Variants in LGR5 observed in about 807,000 individuals in gnomAD.
LGR5 encodes the protein leucine-rich repeat-containing G protein-coupled receptor 5.
In LGR5, 54 loss-of-function variants were observed where a neutral mutation model predicts 76.7. The observed-to-expected ratio is 0.70, with a 90% CI of 0.57 to 0.88. LGR5 has a LOEUF of 0.88. Among genes scored for constraint, LGR5 ranks in the 40% least tolerant of loss-of-function variants. LGR5 has a pLI of 0.00. For missense variants in LGR5, 1,078 were observed against 1,073.3 expected (o/e 1.00, Z -0.06); for synonymous variants, 406 against 421.9 (o/e 0.96, Z 0.46).
chr12:71,487,297 CAT>C (rs1296474288), intron 1 of LGR5, among the ~76,000 whole-genome samples: 1 of 152,202 alleles, frequency 6.6e-6, no homozygotes, highest in Non-Finnish European at 1.5e-5. Context: ...TCTTTTCAAA[CAT>C]GTCTCAAATA....
intron 7 of LGR5, 78 bp from the exon 8 acceptor site, chr12:71,561,703 A>G: frequency 1.4e-6 from 1 of 699,276 alleles, no homozygotes; most frequent in South Asian, 2.0e-5. Flanking sequence ...GATTATTGCC[A>G]CTGTGGTCAG....
chr12:71,556,700 C>G lies in LGR5; in HGVS notation c.716+10C>G, dbSNP rs370043529. ...ACAGCCTAGAGACTTTGTGAGTTGA[C>G]CTTTTATTTGTTTCCCTTTTTTCAG... On this transcript the variant is annotated intron_variant, in intron 6 of 17. Coordinates refer to ENST00000266674, the MANE Select transcript of LGR5 (RefSeq NM_003667.4). 1.4e-5 allele frequency: 23 copies of G among 1,592,226 alleles called. No homozygotes were observed. The highest frequency in any genetic ancestry group is 1.9e-5 in the Non-Finnish European group (22 of 1,160,328).
chr12:71,538,119 C>T (rs979722331), intron 4 of LGR5, among the ~76,000 whole-genome samples: 3 of 152,104 alleles, frequency 2.0e-5, no homozygotes, highest in African/African-American at 7.2e-5. Flanking sequence ...TACTTTTGTA[C>T]CAACTGAATA....
At chr12:71,579,899 T>A (rs553853930) in intron 15 of LGR5, among the ~76,000 whole-genome samples, 8 of 152,354 alleles carry the variant, frequency 5.3e-5, no homozygotes, top group African/African-American at 1.9e-4. Context: ...CATTTTTTAT[T>A]GTTAGACTCA....
chr12:71,575,732 G>A (rs1183684464), intron 13 of LGR5, among the ~76,000 whole-genome samples: 9 of 110,384 alleles, frequency 8.2e-5, no homozygotes, highest in South Asian at 3.1e-4. Flanking sequence ...ATGTGTGTGT[G>A]TGTGTGTGTG....
intron 1 of LGR5, among the ~76,000 whole-genome samples, chr12:71,469,849 A>G (rs527492192): frequency 9.2e-5 from 14 of 152,170 alleles, no homozygotes; most frequent in African/African-American, 3.1e-4. Flanking sequence ...CAACACCTAG[A>G]AAGTCTTGTA....
At chr12:71,467,938 G>T (rs932873474) in intron 1 of LGR5, among the ~76,000 whole-genome samples, 2 of 152,140 alleles carry the variant, frequency 1.3e-5, no homozygotes, top group African/African-American at 4.8e-5. Flanking sequence ...TGAGAGAAAT[G>T]CTTTTAAAAA....
chr12:71,579,381 T>C (rs1051880361), intron 15 of LGR5, among the ~76,000 whole-genome samples: 10 of 152,220 alleles, frequency 6.6e-5, no homozygotes, highest in Non-Finnish European at 1.3e-4. Context: ...CTTGAAAGAT[T>C]ATGTATTTTT....
chr12:71,563,718 C>T (rs1328342519), intron 8 of LGR5, among the ~76,000 whole-genome samples: 1 of 152,140 alleles, frequency 6.6e-6, no homozygotes, highest in Non-Finnish European at 1.5e-5. Flanking sequence ...TTTTAAAAGC[C>T]ATTTCTTGAA....
chr12:71,544,385 A>G (rs1392847823), intron 4 of LGR5, among the ~76,000 whole-genome samples: 6 of 134,216 alleles, frequency 4.5e-5, no homozygotes, highest in Non-Finnish European at 9.1e-5. Context: ...TACTGGCCTC[A>G]TTAAGTTTAC....
intron 1 of LGR5, among the ~76,000 whole-genome samples, chr12:71,452,531 T>C (rs1280079623): frequency 6.6e-6 from 1 of 152,208 alleles, no homozygotes; most frequent in African/African-American, 2.4e-5. Flanking sequence ...TGATATAATC[T>C]TATAATGTGA....
At chr12:71,555,841 T>C (rs1877729342) in intron 5 of LGR5, among the ~76,000 whole-genome samples, 2 of 152,172 alleles carry the variant, frequency 1.3e-5, no homozygotes, top group Admixed American at 1.3e-4. Context: ...CCCAAAGGAA[T>C]AGAAATCATT....
At chr12:71,551,167 C>T (rs1223572437) in intron 4 of LGR5, among the ~76,000 whole-genome samples, 1 of 152,212 alleles carries the variant, frequency 6.6e-6, no homozygotes, top group Non-Finnish European at 1.5e-5. Context: ...GACGTTATCT[C>T]AGCTATTATC....
intron 2 of LGR5, among the ~76,000 whole-genome samples, chr12:71,515,959 A>G (rs1875412230): frequency 6.6e-6 from 1 of 152,164 alleles, no homozygotes; most frequent in Non-Finnish European, 1.5e-5. Context: ...TTTCCATAAA[A>G]CCTTTTGGAG....
intron 3 of LGR5, among the ~76,000 whole-genome samples, chr12:71,527,342 A>G (rs1435388720): frequency 1.3e-5 from 2 of 152,144 alleles, no homozygotes; most frequent in African/African-American, 4.8e-5. Context: ...TAAAGAAGAG[A>G]AGTTTATTTC....
chr12:71,468,890 A>G (rs1294970424), intron 1 of LGR5, among the ~76,000 whole-genome samples: 1 of 152,122 alleles, frequency 6.6e-6, no homozygotes, highest in Non-Finnish European at 1.5e-5. Context: ...AACTCTTGCC[A>G]AACAATTGTG....
chr12:71,566,317 A>C, intron 8 of LGR5, 87 bp from the exon 9 acceptor site: 1 of 818,766 alleles, frequency 1.2e-6, no homozygotes, highest in Non-Finnish European at 2.0e-6. Flanking sequence ...ACATAAGTAC[A>C]TTTACTGTAT....
At chr12:71,550,911 C>T (rs1357404256) in intron 4 of LGR5, among the ~76,000 whole-genome samples, 2 of 152,178 alleles carry the variant, frequency 1.3e-5, no homozygotes, top group Admixed American at 6.5e-5. Context: ...TCTAGTCAAA[C>T]AAAAGCAATC....
intron 4 of LGR5, among the ~76,000 whole-genome samples, chr12:71,543,623 G>A (rs1034345660): frequency 6.6e-6 from 1 of 152,234 alleles, no homozygotes; most frequent in African/African-American, 2.4e-5. Context: ...TGGAAGAACT[G>A]TAGATTTCTA....
Sources: allele counts gnomAD v4.1 joint callset (sites outside exome capture counted in the v4.1 genomes callset), GRCh38; gene constraint gnomAD v4.1.1; transcripts MANE v1.5; gene names NCBI Gene and HGNC (gene_info 2026-07-23, HGNC 2026-07-21).